The following VRK2 variants were observed in gnomAD, a reference collection of about 807,000 sequenced individuals.
VRK2 encodes serine/threonine-protein kinase VRK2.
Under a neutral mutation model 57.6 loss-of-function variants are expected in VRK2, and 60 were observed. The ratio of observed to expected loss-of-function variants is 1.04; its 90% confidence interval spans 0.85 to 1.29. The LOEUF (loss-of-function observed/expected upper bound fraction) is 1.29. Among genes scored for constraint, VRK2 ranks in the 50% most tolerant of loss-of-function variants. The pLI is 0.00. For missense variants in VRK2, 705 were observed against 588.1 expected (o/e 1.20, Z -2.06); for synonymous variants, 231 against 199.2 (o/e 1.16, Z -1.35).
intron 2 of VRK2, among the ~76,000 whole-genome samples, chr2:58,076,580 C>G (rs968932097): frequency 6.6e-6 from 1 of 151,698 alleles, no homozygotes; most frequent in Non-Finnish European, 1.5e-5. Flanking sequence ...GATTTGTTTC[C>G]TTTAATGATT....
chr2:58,025,269 T>A (rs980087445), intron 1 of VRK2, among the ~76,000 whole-genome samples: 8 of 152,236 alleles, frequency 5.3e-5, no homozygotes, highest in African/African-American at 1.7e-4. Flanking sequence ...CTCATATTTT[T>A]TTTTTTTTTA....
At position 57,924,418 on chromosome 2, in the gene VRK2, C is replaced by A. The variant is rs140937678; in HGVS notation, c.-439+16579C>A. On this transcript the variant is annotated intron_variant, in intron 1 of 15. Coordinates refer to the VRK2 transcript ENST00000417641. Reference sequence around the variant, plus strand: ...TCTTACATCAGTGTTTTATAGTTTTCATTGCAGAGATCTTTCACTCCTTTG... The same window carrying A: ...TCTTACATCAGTGTTTTATAGTTTTAATTGCAGAGATCTTTCACTCCTTTG... 4.6e-3 allele frequency among the ~76,000 whole-genome samples: 696 copies of A among 151,960 alleles called. 3 individuals are homozygous for A. Among genetic ancestry groups the A allele is most frequent in the Middle Eastern group, 0.031 (9 of 294 alleles).
intron 1 of VRK2, among the ~76,000 whole-genome samples, chr2:57,981,259 G>A (rs2104049961): frequency 6.6e-6 from 1 of 152,104 alleles, no homozygotes; most frequent in South Asian, 2.1e-4. Flanking sequence ...AGTATTTGCT[G>A]GTCTGAAAAA....
intron 1 of VRK2, among the ~76,000 whole-genome samples, chr2:57,939,423 G>T (rs535286601): frequency 3.3e-5 from 5 of 151,912 alleles, no homozygotes; most frequent in Non-Finnish European, 5.9e-5. Context: ...CCAGCTACCA[G>T]CCACTTTTTT....
At position 58,050,762 on chromosome 2, in the gene VRK2, T is replaced by C. The variant is rs574914922; in HGVS notation, c.136+1795T>C. Among the ~76,000 whole-genome samples, 69 of 152,374 alleles carry C rather than the reference T, an allele frequency of 4.5e-4. 1 individual carries two copies. Among genetic ancestry groups the C allele is most frequent in the Middle Eastern group, 3.4e-3 (1 of 294 alleles). On this transcript the variant is annotated intron_variant, in intron 2 of 12. Coordinates refer to ENST00000340157, the MANE Select transcript of VRK2 (RefSeq NM_006296.7). ...TTACTGTTATGATAAAGGAATATACTTGCATAGGCATGTGACTTACTTGTC... is the reference window on the plus strand; with the variant it reads ...TTACTGTTATGATAAAGGAATATACCTGCATAGGCATGTGACTTACTTGTC...
chr2:57,986,501 T>C (rs1232079616), intron 1 of VRK2, among the ~76,000 whole-genome samples: 3 of 151,820 alleles, frequency 2.0e-5, no homozygotes, highest in Non-Finnish European at 4.4e-5. Context: ...TGAAGACTTA[T>C]ATTACCTGAT....
intron 1 of VRK2, among the ~76,000 whole-genome samples, chr2:57,996,716 A>T (rs1672935187): frequency 6.6e-6 from 1 of 152,084 alleles, no homozygotes; most frequent in African/African-American, 2.4e-5. Context: ...ATTTTTTATT[A>T]TATTTTTTCC....
At chr2:57,914,249 CT>C (rs11306282) in intron 1 of VRK2, among the ~76,000 whole-genome samples, 44,642 of 142,334 alleles carry the variant, frequency 0.31, 7,768 homozygotes, top group East Asian at 0.42. Context: ...CTTAACCTTA[CT>C]TTTTTTTTTT....
chr2:57,923,011 T>C (rs1417538230), intron 1 of VRK2, among the ~76,000 whole-genome samples: 1 of 152,108 alleles, frequency 6.6e-6, no homozygotes, highest in Non-Finnish European at 1.5e-5. Context: ...CTTAACTTAA[T>C]GTCCTCCAGT....
chr2:58,044,459 G>C (rs993205846), upstream of VRK2, among the ~76,000 whole-genome samples: 2 of 152,146 alleles, frequency 1.3e-5, no homozygotes, highest in African/African-American at 2.4e-5. Context: ...CAGTAGTGAC[G>C]AAAACAGGCA....
intron 2 of VRK2, among the ~76,000 whole-genome samples, chr2:58,027,300 T>A (rs1183224802): frequency 6.6e-6 from 1 of 152,002 alleles, no homozygotes; most frequent in African/African-American, 2.4e-5. Context: ...CATCCAACCC[T>A]ATGGTCATAT....
At chr2:57,937,480 G>T (rs534171676) in intron 1 of VRK2, among the ~76,000 whole-genome samples, 1 of 152,126 alleles carries the variant, frequency 6.6e-6, no homozygotes. Context: ...AAAGAATTAC[G>T]ATTCTTGTTG....
chr2:57,983,517 A>G (rs1672497992), intron 1 of VRK2, among the ~76,000 whole-genome samples: 1 of 152,202 alleles, frequency 6.6e-6, no homozygotes, highest in Non-Finnish European at 1.5e-5. Flanking sequence ...CAACCCTGCC[A>G]AACTGCCATA....
intron 1 of VRK2, among the ~76,000 whole-genome samples, chr2:58,023,425 A>G (rs929648548): frequency 6.6e-6 from 1 of 152,172 alleles, no homozygotes. Context: ...TCAATTGTCA[A>G]TGGACCCTTT....
intron 2 of VRK2, among the ~76,000 whole-genome samples, chr2:58,071,496 C>T (rs1475469745): frequency 2.0e-5 from 3 of 152,034 alleles, no homozygotes; most frequent in Admixed American, 2.0e-4. Flanking sequence ...TGTCTAGATT[C>T]ACATTTTTGC....
intron 5 of VRK2, 34 bp downstream of exon 5, chr2:58,086,460 T>G: frequency 6.5e-7 from 1 of 1,529,430 alleles, no homozygotes; most frequent in Non-Finnish European, 8.8e-7. Flanking sequence ...AATATTTCTT[T>G]ATAACTATTC....
intron 10 of VRK2, among the ~76,000 whole-genome samples, chr2:58,135,786 G>C (rs1375129021): frequency 6.6e-6 from 1 of 152,078 alleles, no homozygotes. Context: ...AATACATATT[G>C]TATAAAATAG....
chr2:57,989,153 T>A (rs1017803787), intron 1 of VRK2, among the ~76,000 whole-genome samples: 6 of 152,216 alleles, frequency 3.9e-5, no homozygotes, highest in South Asian at 4.1e-4. Context: ...GAGACCCCCA[T>A]GAACCACCCA....
intron 2 of VRK2, among the ~76,000 whole-genome samples, chr2:58,057,072 T>G: frequency 6.6e-6 from 1 of 152,170 alleles, no homozygotes; most frequent in Non-Finnish European, 1.5e-5. Context: ...TTTAACCTGT[T>G]TCCCCCAACA....
Sources: gnomAD v4.1 joint callset for allele counts (sites outside exome capture counted in the v4.1 genomes callset) on GRCh38, gnomAD v4.1.1 for gene constraint, MANE v1.5 for transcripts, NCBI Gene and HGNC (gene_info 2026-07-23, HGNC 2026-07-21) for gene names.